The following UGT1A10 variants were observed in gnomAD, a reference collection of about 807,000 sequenced individuals.
UGT1A10 encodes the protein UDP glucuronosyltransferase family 1 member A10.
Under a neutral mutation model 45.8 loss-of-function variants are expected in UGT1A10, and 49 were observed. That is an observed-to-expected ratio of 1.07 (90% CI 0.85 to 1.36). The LOEUF (loss-of-function observed/expected upper bound fraction) is 1.36. UGT1A10 is among the 40% of genes most tolerant of loss of function. The pLI is 0.00. For synonymous variants in UGT1A10, 284 were observed against 249.7 expected (o/e 1.14, Z -1.29); for missense variants, 745 against 668.6 (o/e 1.11, Z -1.26).
intron 1 of UGT1A10, among the ~76,000 whole-genome samples, chr2:233,719,871 A>G (rs2076809902): frequency 6.6e-6 from 1 of 152,230 alleles, no homozygotes; most frequent in African/African-American, 2.4e-5. Context: ...TGAGAGGAAG[A>G]AGAGGCACGG....
intron 1 of UGT1A10, among the ~76,000 whole-genome samples, chr2:233,640,841 TG>T (rs2073432149): frequency 6.6e-6 from 1 of 152,118 alleles, no homozygotes; most frequent in Non-Finnish European, 1.5e-5. Context: ...TTGTCATTGT[TG>T]CTATGTCAGG....
intron 1 of UGT1A10, among the ~76,000 whole-genome samples, chr2:233,719,941 G>A (rs958273731): frequency 6.6e-6 from 1 of 152,192 alleles, no homozygotes; most frequent in African/African-American, 2.4e-5. Flanking sequence ...TGTTTGTAAA[G>A]GCACCATCTT....
rs529258547 is a variant in UGT1A10, at chr2:233,673,420, T to C, written c.855+36043T>C. Among the ~76,000 whole-genome samples the C allele has an allele frequency of 3.3e-5, 5 of 152,310 alleles. No homozygotes were observed. In the East Asian group the frequency reaches 7.7e-4, roughly 23 times the overall value. On this transcript the variant is annotated intron_variant, in intron 1 of 4. Coordinates refer to ENST00000344644, the MANE Select transcript of UGT1A10 (RefSeq NM_019075.4). ...AGGCATTTTGCATTTTTTGTCTTTATGAATAGGGCCGTGTAAACACTCTTT... is the reference window on the plus strand; with the variant it reads ...AGGCATTTTGCATTTTTTGTCTTTACGAATAGGGCCGTGTAAACACTCTTT...
At chr2:233,743,384 A>G in intron 1 of UGT1A10, 4 of 1,202,216 alleles carry the variant, frequency 3.3e-6, no homozygotes, top group Non-Finnish European at 4.5e-6. Context: ...CTACCGTAGG[A>G]CATGCAGAAG....
At chr2:233,691,413 C>T (rs543988053) in intron 1 of UGT1A10, 2 of 985,542 alleles carry the variant, frequency 2.0e-6, no homozygotes, top group African/African-American at 1.7e-5. Context: ...CTTGGAGTGG[C>T]CCCTCTAATC....
At chr2:233,713,179 T>C (rs3755321) in intron 1 of UGT1A10, 158,294 of 1,614,156 alleles carry the variant, frequency 0.098, 8,780 homozygotes, top group South Asian at 0.2. Flanking sequence ...GTCCTCACCC[T>C]GGAGGTGAAT....
chr2:233,722,838 A>C (rs192371212), intron 1 of UGT1A10, among the ~76,000 whole-genome samples: 12 of 132,374 alleles, frequency 9.1e-5, no homozygotes, highest in African/African-American at 2.9e-4. Flanking sequence ...TTATAATAAG[A>C]ATGTTTCTTT....
chr2:233,660,800 A>G (rs900785806), intron 1 of UGT1A10, among the ~76,000 whole-genome samples: 4 of 152,062 alleles, frequency 2.6e-5, no homozygotes, highest in African/African-American at 7.2e-5. Flanking sequence ...TCAGGCAGAT[A>G]TTCATTCTCC....
intron 1 of UGT1A10, among the ~76,000 whole-genome samples, chr2:233,647,632 T>A (rs1385336578): frequency 6.6e-6 from 1 of 152,264 alleles, no homozygotes. Context: ...TTGTGTCTTT[T>A]AAGAAATTTG....
intron 1 of UGT1A10, 116 bp from the exon 2 acceptor site, chr2:233,766,918 A>G: frequency 1.3e-6 from 2 of 1,548,282 alleles, no homozygotes; most frequent in Non-Finnish European, 1.7e-6. Flanking sequence ...TCTATCTCAA[A>G]CACGCATGCC....
At chr2:233,752,262 A>T (rs1694925315) in intron 1 of UGT1A10, 1 of 152,020 alleles carries the variant, frequency 6.6e-6, no homozygotes. Context: ...TGGTCACAGG[A>T]CTCCAGGTCT....
intron 1 of UGT1A10, chr2:233,671,997 C>T (rs1005652810): frequency 1.5e-5 from 24 of 1,613,980 alleles, no homozygotes; most frequent in Non-Finnish European, 2.0e-5. Flanking sequence ...TGACCTGTGG[C>T]TTTGCCGAGG....
At chr2:233,643,326 G>A (rs1473492839) in intron 1 of UGT1A10, among the ~76,000 whole-genome samples, 1 of 152,052 alleles carries the variant, frequency 6.6e-6, no homozygotes, top group Non-Finnish European at 1.5e-5. Flanking sequence ...TCACCTTGTA[G>A]CCACTGCCAC....
intron 1 of UGT1A10, among the ~76,000 whole-genome samples, chr2:233,690,178 C>A (rs541468631): frequency 3.9e-5 from 6 of 152,164 alleles, no homozygotes; most frequent in African/African-American, 1.4e-4. Context: ...GTTTTTATAG[C>A]CATTTCATAA....
At chr2:233,644,257 G>A (rs2073541301) in intron 1 of UGT1A10, among the ~76,000 whole-genome samples, 2 of 152,180 alleles carry the variant, frequency 1.3e-5, no homozygotes, top group African/African-American at 4.8e-5. Flanking sequence ...ATTTCCCTCA[G>A]CCTAGGGCTG....
intron 1 of UGT1A10, among the ~76,000 whole-genome samples, chr2:233,726,233 C>G (rs536787138): frequency 6.6e-6 from 1 of 152,166 alleles, no homozygotes; most frequent in Non-Finnish European, 1.5e-5. Flanking sequence ...TTTTTTAAAA[C>G]TCCAATATGA....
intron 1 of UGT1A10, chr2:233,708,835 T>G (rs2076042960): frequency 6.6e-6 from 1 of 152,160 alleles, no homozygotes; most frequent in South Asian, 2.1e-4. Context: ...GTGAATTTGT[T>G]GCAGGGCTTT....
intron 1 of UGT1A10, among the ~76,000 whole-genome samples, chr2:233,710,565 G>T (rs2125620366): frequency 6.6e-6 from 1 of 152,164 alleles, no homozygotes; most frequent in Non-Finnish European, 1.5e-5. Context: ...TCTTTTAAAA[G>T]GTGCCCTTTC....
At chr2:233,755,071 G>A (rs775333434) in intron 1 of UGT1A10, 133 of 1,336,342 alleles carry the variant, frequency 1.0e-4, no homozygotes, top group Non-Finnish European at 1.3e-4. Context: ...TCGCCATAGC[G>A]GTCATAGATA....
Sources: allele counts gnomAD v4.1 joint callset (sites outside exome capture counted in the v4.1 genomes callset), GRCh38; gene constraint gnomAD v4.1.1; transcripts MANE v1.5; gene names NCBI Gene and HGNC (gene_info 2026-07-23, HGNC 2026-07-21).